ADAMTSL3: variants seen among roughly 807,000 people sequenced by gnomAD.
ADAMTSL3 encodes the protein ADAMTS-like protein 3.
A neutral mutation model predicts 201.7 loss-of-function variants in ADAMTSL3; 128 were observed. That is an observed-to-expected ratio of 0.63 (90% CI 0.55 to 0.73). The LOEUF is 0.73. Among genes scored for constraint, ADAMTSL3 ranks in the 30% least tolerant of loss-of-function variants. The probability of loss-of-function intolerance (pLI) is 0.00; values close to 1 mark genes in which losing one functional copy is unlikely to be tolerated. For synonymous variants in ADAMTSL3, 738 were observed against 748.4 expected, an observed-to-expected ratio of 0.99 and a Z score of 0.23; for missense variants, 1,990 against 2,119.6, an observed-to-expected ratio of 0.94 and a Z score of 1.20.
At chr15:83,959,062 A>T (rs1161009275) in intron 19 of ADAMTSL3, among the ~76,000 whole-genome samples, 2 of 152,214 alleles carry the variant, frequency 1.3e-5, no homozygotes, top group Non-Finnish European at 2.9e-5. Context: ...AACAAAACTT[A>T]ATGGCTCAAA....
At chr15:83,723,998 A>G (rs928541729) in intron 3 of ADAMTSL3, among the ~76,000 whole-genome samples, 8 of 152,048 alleles carry the variant, frequency 5.3e-5, no homozygotes, top group Admixed American at 4.6e-4. Flanking sequence ...ATGGACATCC[A>G]AGGCTCAATA....
intron 3 of ADAMTSL3, among the ~76,000 whole-genome samples, chr15:83,765,506 A>G (rs913794122): frequency 6.6e-6 from 1 of 152,222 alleles, no homozygotes; most frequent in East Asian, 1.9e-4. Context: ...TTTTAGCAAG[A>G]CTAGTAGAAC....
chr15:83,895,455 G>A (rs543452499), intron 13 of ADAMTSL3, among the ~76,000 whole-genome samples: 27 of 152,128 alleles, frequency 1.8e-4, no homozygotes, highest in Non-Finnish European at 3.8e-4. Flanking sequence ...TATATTATCA[G>A]AATAGAGGAT....
chr15:83,866,918 G>A (rs1437849312), intron 8 of ADAMTSL3, among the ~76,000 whole-genome samples: 1 of 152,154 alleles, frequency 6.6e-6, no homozygotes, highest in Non-Finnish European at 1.5e-5. Flanking sequence ...CAAATCTGTT[G>A]CTTGGACTAT....
chr15:83,701,303 C>A (rs1836173856), intron 2 of ADAMTSL3, among the ~76,000 whole-genome samples: 2 of 152,156 alleles, frequency 1.3e-5, no homozygotes, highest in South Asian at 4.1e-4. Flanking sequence ...AACCCTCTAC[C>A]TCCTCAGTCT....
At chr15:83,789,140 CATTATTCAG>C (rs1193110021) in intron 4 of ADAMTSL3, among the ~76,000 whole-genome samples, 1 of 152,150 alleles carries the variant, frequency 6.6e-6, no homozygotes, top group Non-Finnish European at 1.5e-5. Context: ...TTGAAACTCC[CATTATTCAG>C]ATATTAGATC....
intron 23 of ADAMTSL3, among the ~76,000 whole-genome samples, chr15:84,012,127 A>T (rs1158415593): frequency 6.6e-6 from 1 of 152,154 alleles, no homozygotes; most frequent in East Asian, 1.9e-4. Context: ...CTCTCGGTGT[A>T]TTGGTTTTCT....
chr15:83,932,091 T>G (rs2142008853), intron 17 of ADAMTSL3, among the ~76,000 whole-genome samples: 1 of 152,258 alleles, frequency 6.6e-6, no homozygotes, highest in Non-Finnish European at 1.5e-5. Flanking sequence ...ACAAACAACT[T>G]ATCAACAACT....
In ADAMTSL3 at chr15:83,853,948, CTATCTAT is replaced by C. The variant is rs1292087438; in HGVS notation, c.728-4817_728-4811del. 8.1e-4 allele frequency among the ~76,000 whole-genome samples: 121 copies of C among 149,006 alleles called. 1 individual carries two copies. Among genetic ancestry groups the C allele is most frequent in the African/African-American group, 2.9e-3 (116 of 39,684 alleles). Reference sequence around the variant, plus strand: ...TCTATCTATCTATCTATCTATCTATCTATCTATCTAATTCCTCCATCCAACTAGCTAG... The same window carrying C: ...TCTATCTATCTATCTATCTATCTATCCTAATTCCTCCATCCAACTAGCTAG... On this transcript the variant is annotated intron_variant, in intron 7 of 29. Coordinates refer to ENST00000286744, the MANE Select transcript of ADAMTSL3 (RefSeq NM_207517.3).
intron 19 of ADAMTSL3, among the ~76,000 whole-genome samples, chr15:83,965,157 A>C (rs1017434689): frequency 6.6e-6 from 1 of 152,210 alleles, no homozygotes; most frequent in Non-Finnish European, 1.5e-5. Flanking sequence ...GACAGGATTA[A>C]ATTCACACAT....
rs76192198 is a variant in ADAMTSL3 at position 83,961,182 on chromosome 15, T to C, written c.2491-9302T>C. Among the ~76,000 whole-genome samples, 113 of 152,026 alleles carry C rather than the reference T, an allele frequency of 7.4e-4. No homozygotes were observed. In the East Asian group the frequency reaches 0.014, roughly 19 times the overall value. On this transcript the variant is annotated intron_variant, in intron 19 of 29. Coordinates refer to ENST00000286744, the MANE Select transcript of ADAMTSL3 (RefSeq NM_207517.3). ...AAAAATAGCAAACACAAAACTTACATTACAAGCAACAACTTAAGAAAATAA... is the reference window on the plus strand; with the variant it reads ...AAAAATAGCAAACACAAAACTTACACTACAAGCAACAACTTAAGAAAATAA...
chr15:83,848,092 G>A (rs1402348104), intron 7 of ADAMTSL3, among the ~76,000 whole-genome samples: 2 of 150,946 alleles, frequency 1.3e-5, no homozygotes, highest in Admixed American at 1.3e-4. Context: ...ATAAATGCAG[G>A]TTCTATAAAT....
intron 19 of ADAMTSL3, among the ~76,000 whole-genome samples, chr15:83,953,507 G>T (rs543587942): frequency 4.6e-5 from 7 of 152,164 alleles, no homozygotes; most frequent in African/African-American, 4.8e-5. Context: ...CTTGAAAGTT[G>T]TTGTATTTAT....
chr15:83,913,483 G>T, intron 16 of ADAMTSL3, 105 bp downstream of exon 16: 1 of 1,145,196 alleles, frequency 8.7e-7, no homozygotes, highest in South Asian at 1.6e-5. Flanking sequence ...AAAGTCTAAA[G>T]GAGGTGAAGT....
chr15:83,674,788 T>TATATATATATATATATATATATAA (rs1555428965), intron 2 of ADAMTSL3, among the ~76,000 whole-genome samples: 1 of 138,822 alleles, frequency 7.2e-6, no homozygotes, highest in Non-Finnish European at 1.6e-5. Flanking sequence ...TATATATATA[T>TATATATATATATATATATATATAA]AAATCTTGCT....
At chr15:83,740,963 A>C (rs1475645484) in intron 3 of ADAMTSL3, among the ~76,000 whole-genome samples, 3 of 152,112 alleles carry the variant, frequency 2.0e-5, no homozygotes, top group African/African-American at 7.2e-5. Context: ...TTTATTCCTT[A>C]GAAAGACACC....
chr15:83,812,335 C>T (rs1221804585), intron 5 of ADAMTSL3, among the ~76,000 whole-genome samples: 1 of 152,132 alleles, frequency 6.6e-6, no homozygotes, highest in Admixed American at 6.5e-5. Context: ...AGACTGGCCA[C>T]ACTAGTTCAG....
intron 3 of ADAMTSL3, 64 bp from the exon 4 acceptor site, chr15:83,773,459 T>G (rs1344651571): frequency 6.5e-7 from 1 of 1,548,968 alleles, no homozygotes; most frequent in Non-Finnish European, 8.8e-7. Flanking sequence ...GGGATATTTC[T>G]ACCACATTTG....
chr15:83,986,156 T>C lies in ADAMTSL3; in HGVS notation c.3717-2535T>C, dbSNP rs117822550. On this transcript the variant is annotated intron_variant, in intron 21 of 29. Transcript: ENST00000286744. ...GTATTATTATAAAACTAGCTTTGAC[T>C]TCATAGACTTCTGGGGGGTTCATGG... 8.7e-4 allele frequency among the ~76,000 whole-genome samples: 133 copies of C among 152,288 alleles called. 2 individuals are homozygous for C. The East Asian group carries it at 0.024, about 27-fold the overall frequency.
Sources: gnomAD v4.1 joint callset for allele counts (sites outside exome capture counted in the v4.1 genomes callset) on GRCh38, gnomAD v4.1.1 for gene constraint, MANE v1.5 for transcripts, NCBI Gene and HGNC (gene_info 2026-07-23, HGNC 2026-07-21) for gene names.